SOX5: variants seen among roughly 807,000 people sequenced by gnomAD.
SOX5 encodes transcription factor SOX-5.
A neutral mutation model predicts 92.0 loss-of-function variants in SOX5; 9 were observed. The observed-to-expected ratio is 0.10, with a 90% CI of 0.06 to 0.17. The LOEUF (loss-of-function observed/expected upper bound fraction) is 0.17. SOX5 is among the 10% of genes least tolerant of loss of function. The pLI is 1.00. For synonymous variants in SOX5, 344 were observed against 336.3 expected (o/e 1.02, Z -0.25); for missense variants, 642 against 944.5 (o/e 0.68, Z 4.20).
At chr12:24,365,623 C>G (rs557861531) in intron 2 of SOX5, among the ~76,000 whole-genome samples, 40 of 147,970 alleles carry the variant, frequency 2.7e-4, no homozygotes, top group Non-Finnish European at 5.1e-4. Flanking sequence ...CTAATCTGCA[C>G]AAAATTTGAT....
intron 4 of SOX5, among the ~76,000 whole-genome samples, chr12:24,137,297 G>A (rs1950191833): frequency 6.6e-6 from 1 of 152,260 alleles, no homozygotes; most frequent in Middle Eastern, 3.4e-3. Flanking sequence ...GGAGGTACAA[G>A]GTTGGAGGGG....
At chr12:24,171,839 A>T (rs938413122) in intron 4 of SOX5, among the ~76,000 whole-genome samples, 1 of 151,782 alleles carries the variant, frequency 6.6e-6, no homozygotes, top group Non-Finnish European at 1.5e-5. Flanking sequence ...CTCTATTTTT[A>T]AAAAAAAGAA....
intron 1 of SOX5, among the ~76,000 whole-genome samples, chr12:24,521,923 G>C (rs1950297002): frequency 6.6e-6 from 1 of 151,584 alleles, no homozygotes; most frequent in African/African-American, 2.4e-5. Flanking sequence ...CCCAAAGTTA[G>C]CAGGAGGAAA....
chr12:23,666,471 T>A (rs960129081), intron 6 of SOX5, among the ~76,000 whole-genome samples: 6 of 152,208 alleles, frequency 3.9e-5, no homozygotes, highest in Non-Finnish European at 8.8e-5. Flanking sequence ...CTTGTCACAT[T>A]ATTAACTAGA....
chr12:24,495,243 T>G (rs192697881), intron 1 of SOX5, among the ~76,000 whole-genome samples: 3 of 152,290 alleles, frequency 2.0e-5, no homozygotes, highest in Admixed American at 2.0e-4. Flanking sequence ...TTATGGCCCC[T>G]GCAGCACAGT....
At chr12:24,512,078 C>T (rs1794079134) in intron 1 of SOX5, among the ~76,000 whole-genome samples, 1 of 151,942 alleles carries the variant, frequency 6.6e-6, no homozygotes, top group South Asian at 2.1e-4. Context: ...ATCTATATTC[C>T]AATCACGGGG....
upstream of SOX5, among the ~76,000 whole-genome samples, chr12:23,955,449 C>T (rs1045670012): frequency 6.6e-6 from 1 of 152,108 alleles, no homozygotes; most frequent in Non-Finnish European, 1.5e-5. Context: ...TTGCCTAATA[C>T]GTTTACAAGT....
At chr12:24,027,975 T>C (rs1349941650) in intron 4 of SOX5, among the ~76,000 whole-genome samples, 1 of 152,030 alleles carries the variant, frequency 6.6e-6, no homozygotes, top group Non-Finnish European at 1.5e-5. Flanking sequence ...CGTTGATCAT[T>C]GTGCTCCCTG....
intron 3 of SOX5, chr12:24,223,335 C>T (rs958417302): frequency 1.3e-5 from 2 of 152,176 alleles, no homozygotes; most frequent in East Asian, 3.8e-4. Flanking sequence ...TATTGAATAA[C>T]CAAAGTCAAA....
intron 1 of SOX5, among the ~76,000 whole-genome samples, chr12:24,481,550 A>G (rs970780492): frequency 5.3e-5 from 8 of 152,304 alleles, no homozygotes; most frequent in African/African-American, 1.9e-4. Context: ...ATATATACTT[A>G]CTAGGTACCC....
chr12:24,188,489 G>A (rs544134384), intron 4 of SOX5, among the ~76,000 whole-genome samples: 1 of 152,034 alleles, frequency 6.6e-6, no homozygotes, highest in Non-Finnish European at 1.5e-5. Context: ...AATGAGTGAA[G>A]ATTTTAAAAT....
intron 4 of SOX5, among the ~76,000 whole-genome samples, chr12:24,071,488 G>A (rs1157459410): frequency 6.6e-6 from 1 of 152,142 alleles, no homozygotes; most frequent in East Asian, 1.9e-4. Context: ...AAGCTGGAGT[G>A]CAGTGGCGCG....
intron 3 of SOX5, among the ~76,000 whole-genome samples, chr12:23,757,088 G>A (rs1179665409): frequency 6.6e-6 from 1 of 151,814 alleles, no homozygotes; most frequent in Non-Finnish European, 1.5e-5. Flanking sequence ...ATAAAATGGT[G>A]AAAAGCTCTG....
chr12:23,634,489 ACAGCTAG>A (rs150681379), intron 8 of SOX5, among the ~76,000 whole-genome samples: 2,032 of 152,230 alleles, frequency 0.013, 39 homozygotes, highest in African/African-American at 0.047. Flanking sequence ...GCTAGAGAGA[ACAGCTAG>A]CACAAAACTC....
intron 2 of SOX5, among the ~76,000 whole-genome samples, chr12:24,303,274 T>C (rs935627281): frequency 1.2e-4 from 18 of 152,194 alleles, no homozygotes; most frequent in Admixed American, 1.2e-3. Context: ...TCCTTAAAGT[T>C]GACTGATTTC....
intron 1 of SOX5, among the ~76,000 whole-genome samples, chr12:24,521,387 T>C (rs1950251227): frequency 6.6e-6 from 1 of 152,136 alleles, no homozygotes; most frequent in South Asian, 2.1e-4. Flanking sequence ...TCACTTACAA[T>C]AATGAATAGA....
Position 23,709,441 on chromosome 12 carries a change from C to T in SOX5, c.810+25243G>A, listed in dbSNP as rs538221799. On this transcript the variant is annotated intron_variant, in intron 6 of 14. Coordinates refer to ENST00000451604, the MANE Select transcript of SOX5 (RefSeq NM_006940.6). ...TAGAAAGCCTAAATACAGAAGCATC[C>T]TCTAGTATACCCAGACCCTTGGGGT... Among the ~76,000 whole-genome samples, 24 of 152,102 alleles carry T rather than the reference C, an allele frequency of 1.6e-4. 1 individual carries two copies. The highest frequency in any genetic ancestry group is 5.5e-4 in the African/African-American group (23 of 41,502).
chr12:24,473,658 A>G (rs1419970748), intron 1 of SOX5, among the ~76,000 whole-genome samples: 4 of 152,230 alleles, frequency 2.6e-5, no homozygotes, highest in Non-Finnish European at 1.5e-5. Context: ...AACAAATTCA[A>G]ATAACACTCA....
intron 2 of SOX5, among the ~76,000 whole-genome samples, chr12:24,314,379 G>T (rs1270947937): frequency 7.5e-6 from 1 of 133,826 alleles, no homozygotes; most frequent in Admixed American, 7.7e-5. Flanking sequence ...GTAGGGGGAG[G>T]GGGGAGGGAT....
Sources: gnomAD v4.1 joint callset for allele counts (sites outside exome capture counted in the v4.1 genomes callset) on GRCh38, gnomAD v4.1.1 for gene constraint, MANE v1.5 for transcripts, NCBI Gene and HGNC (gene_info 2026-07-23, HGNC 2026-07-21) for gene names.